Variants in NELL2 observed in about 807,000 individuals in gnomAD.
The protein encoded by NELL2 is protein kinase C-binding protein NELL2.
A neutral mutation model predicts 109.6 loss-of-function variants in NELL2; 41 were observed. The observed-to-expected ratio is 0.37, with a 90% CI of 0.29 to 0.49. The LOEUF is 0.49. NELL2 is among the 20% of genes least tolerant of loss of function. The pLI is 0.98. For missense variants in NELL2, 900 were observed against 1,008.3 expected, an observed-to-expected ratio of 0.89 and a Z score of 1.45; for synonymous variants, 355 against 344.7, an observed-to-expected ratio of 1.03 and a Z score of -0.33.
intron 9 of NELL2, among the ~76,000 whole-genome samples, chr12:44,725,802 G>T (rs1939045952): frequency 6.6e-6 from 1 of 152,040 alleles, no homozygotes; most frequent in South Asian, 2.1e-4. Flanking sequence ...TAAACGATAA[G>T]AACTTATGAA....
chr12:44,803,655 G>C (rs1435469792), intron 3 of NELL2, among the ~76,000 whole-genome samples: 1 of 151,930 alleles, frequency 6.6e-6, no homozygotes, highest in East Asian at 1.9e-4. Context: ...ATGCATACAT[G>C]CTGCATATAT....
At chr12:44,899,160 G>A (rs573329200) in intron 1 of NELL2, among the ~76,000 whole-genome samples, 7 of 152,220 alleles carry the variant, frequency 4.6e-5, no homozygotes, top group East Asian at 1.9e-4. Flanking sequence ...AAAGTGACAG[G>A]GAGAACAGAA....
At chr12:44,803,889 A>G (rs1942915321) in intron 3 of NELL2, among the ~76,000 whole-genome samples, 1 of 152,002 alleles carries the variant, frequency 6.6e-6, no homozygotes. Context: ...ATGTTATATC[A>G]GCAAAAAATT....
intron 18 of NELL2, among the ~76,000 whole-genome samples, chr12:44,520,769 C>G (rs1218650462): frequency 3.3e-5 from 5 of 151,998 alleles, no homozygotes; most frequent in Non-Finnish European, 2.9e-5. Context: ...GAATTGATTT[C>G]ATTCCTTTTT....
At chr12:44,905,178 T>G (rs1350944950) in intron 1 of NELL2, among the ~76,000 whole-genome samples, 2 of 152,106 alleles carry the variant, frequency 1.3e-5, no homozygotes, top group Non-Finnish European at 1.5e-5. Flanking sequence ...TTTGGAGAAT[T>G]TCAGATTTCA....
At chr12:44,851,308 A>G (rs1309957635) in intron 2 of NELL2, among the ~76,000 whole-genome samples, 1 of 152,156 alleles carries the variant, frequency 6.6e-6, no homozygotes, top group Non-Finnish European at 1.5e-5. Flanking sequence ...TCATATCTAT[A>G]AATAAATATT....
intron 13 of NELL2, among the ~76,000 whole-genome samples, chr12:44,644,687 T>C (rs1197526234): frequency 6.8e-6 from 1 of 147,606 alleles, no homozygotes; most frequent in Non-Finnish European, 1.5e-5. Context: ...ATACCTTTTT[T>C]TTATTCCTTA....
chr12:44,712,311 A>G (rs1385326824), intron 10 of NELL2, among the ~76,000 whole-genome samples: 2 of 152,012 alleles, frequency 1.3e-5, no homozygotes, highest in Non-Finnish European at 2.9e-5. Flanking sequence ...TTCCTGGCTC[A>G]TTTATGTAAA....
chr12:44,555,552 C>CA (rs1349002940), intron 15 of NELL2, among the ~76,000 whole-genome samples: 1 of 152,172 alleles, frequency 6.6e-6, no homozygotes, highest in Non-Finnish European at 1.5e-5. Context: ...GCAATGGGAT[C>CA]AGCTGCCAAG....
At chr12:44,708,222 C>T (rs1272424069) in intron 11 of NELL2, among the ~76,000 whole-genome samples, 1 of 152,146 alleles carries the variant, frequency 6.6e-6, no homozygotes, top group African/African-American at 2.4e-5. Context: ...AAGCGGAAAA[C>T]TTTTCTGCTA....
At chr12:44,616,446 C>T (rs762172672) in intron 13 of NELL2, among the ~76,000 whole-genome samples, 1 of 151,974 alleles carries the variant, frequency 6.6e-6, no homozygotes, top group African/African-American at 2.4e-5. Context: ...GCAGATATGG[C>T]CCTAAACATA....
rs540420885 is a variant in NELL2 at position 44,863,936 on chromosome 12, G to A, written c.184+11289C>T. 8.5e-5 allele frequency among the ~76,000 whole-genome samples: 13 copies of A among 152,292 alleles called. No homozygotes were observed. The South Asian group carries it at 2.7e-3, about 32-fold the overall frequency. ...ATAAAATGTAGGCAGGGAGTTGGCT[G>A]TAAATGTGTAGAGTTTTTCTTATGA... On this transcript the variant is annotated intron_variant, in intron 2 of 19. Transcript: ENST00000429094.
In NELL2 at chr12:44,541,260, A is replaced by AAG. The variant is rs1252396730; in HGVS notation, c.1664-8540_1664-8539insCT. 4.0e-5 allele frequency among the ~76,000 whole-genome samples: 6 copies of AAG among 150,310 alleles called. 1 individual carries two copies. On this transcript the variant is annotated intron_variant, in intron 15 of 19. Transcript: ENST00000429094. ...AGTGAGACTCCATCTCAAAAAAAAA[A>AAG]AAAAAAGAAAAAAAAAAGAAATAGA...
chr12:44,856,718 G>C (rs1006519910), intron 2 of NELL2, among the ~76,000 whole-genome samples: 1 of 152,162 alleles, frequency 6.6e-6, no homozygotes, highest in African/African-American at 2.4e-5. Context: ...GGTCAGAAAA[G>C]TAAAAGGGTG....
intron 19 of NELL2, among the ~76,000 whole-genome samples, chr12:44,516,432 T>G (rs1941259301): frequency 6.6e-6 from 1 of 152,160 alleles, no homozygotes; most frequent in Admixed American, 6.5e-5. Flanking sequence ...TTTAATGATA[T>G]TAACAGTGCA....
intron 3 of NELL2, among the ~76,000 whole-genome samples, chr12:44,788,324 C>A (rs1447970647): frequency 6.6e-6 from 1 of 152,202 alleles, no homozygotes; most frequent in Non-Finnish European, 1.5e-5. Context: ...ACCGGAGACA[C>A]TCCAAACACT....
chr12:44,636,519 T>C (rs137901002), intron 13 of NELL2, among the ~76,000 whole-genome samples: 286 of 152,268 alleles, frequency 1.9e-3, no homozygotes, highest in African/African-American at 6.2e-3. Context: ...TCAAAGGCCT[T>C]TTCTGCATCT....
At chr12:44,754,047 T>C (rs1471186914) in intron 9 of NELL2, among the ~76,000 whole-genome samples, 1 of 152,196 alleles carries the variant, frequency 6.6e-6, no homozygotes, top group Non-Finnish European at 1.5e-5. Context: ...CCCAAATGTA[T>C]TTAAACATTA....
intron 15 of NELL2, among the ~76,000 whole-genome samples, chr12:44,566,960 C>A (rs923087584): frequency 1.3e-5 from 2 of 151,968 alleles, no homozygotes; most frequent in Non-Finnish European, 2.9e-5. Flanking sequence ...TACAAACGTG[C>A]ACCACCAGGC....
Sources: allele counts gnomAD v4.1 joint callset (sites outside exome capture counted in the v4.1 genomes callset), GRCh38; gene constraint gnomAD v4.1.1; transcripts MANE v1.5; gene names NCBI Gene and HGNC (gene_info 2026-07-23, HGNC 2026-07-21).